LRRC27: variants seen among roughly 807,000 people sequenced by gnomAD.
The protein encoded by LRRC27 is leucine rich repeat containing 27.
Under a neutral mutation model 55.0 loss-of-function variants are expected in LRRC27, and 57 were observed. The observed-to-expected ratio is 1.04, with a 90% CI of 0.84 to 1.29. The LOEUF (loss-of-function observed/expected upper bound fraction) is 1.29, where lower values mean the gene tolerates loss of function less well. LRRC27 is among the 50% of genes most tolerant of loss of function. LRRC27 has a pLI of 0.00. For missense variants in LRRC27, 721 were observed against 651.5 expected (o/e 1.11, Z -1.16); for synonymous variants, 278 against 251.9 (o/e 1.10, Z -0.98).
chr10:132,339,620 C>A (rs1056497237), intron 3 of LRRC27, among the ~76,000 whole-genome samples: 17 of 152,344 alleles, frequency 1.1e-4, no homozygotes, highest in African/African-American at 3.6e-4. Context: ...ACCCTGTCCT[C>A]ACGGCCTCGG....
intron 5 of LRRC27, 109 bp downstream of exon 5, chr10:132,344,759 G>C: frequency 2.5e-6 from 3 of 1,205,310 alleles, no homozygotes; most frequent in Non-Finnish European, 3.5e-6. Context: ...AAATACAGGA[G>C]CCATGGGTCC....
chr10:132,359,847 G>T (rs1202539140), intron 8 of LRRC27, among the ~76,000 whole-genome samples: 1 of 152,230 alleles, frequency 6.6e-6, no homozygotes, highest in African/African-American at 2.4e-5. Context: ...TTTGACACTT[G>T]ACGTACAAAC....
chr10:132,360,987 G>A (rs897590516), intron 8 of LRRC27, among the ~76,000 whole-genome samples: 1 of 152,214 alleles, frequency 6.6e-6, no homozygotes, highest in African/African-American at 2.4e-5. Flanking sequence ...TGGGGTGCTA[G>A]CCTCCTCCTG....
intron 7 of LRRC27, among the ~76,000 whole-genome samples, chr10:132,353,807 C>T (rs2068179956): frequency 6.6e-6 from 1 of 152,222 alleles, no homozygotes. Context: ...GCCCGTCACT[C>T]ACTGCGAGGT....
At position 132,364,512 on chromosome 10, in the gene LRRC27, CACACTCGCACTT is replaced by C. The variant is rs1222932027; in HGVS notation, c.1290-907_1290-896del. Among the ~76,000 whole-genome samples, 32 of 126,290 alleles carry C rather than the reference CACACTCGCACTT, an allele frequency of 2.5e-4. 8 individuals are homozygous for C. Among genetic ancestry groups the C allele is most frequent in the African/African-American group, 6.0e-4 (17 of 28,568 alleles). 82.9% of individuals were successfully genotyped at this position (126,290 alleles called of 152,430 possible). On this transcript the variant is annotated intron_variant, in intron 9 of 10. Transcript: ENST00000368614. ...TTACACCCACCCTTACATCTACCTC[CACACTCGCACTT>C]ACACCCACACTTAAATCTACCTCCA... is the stretch of plus-strand genomic sequence containing the variant.
upstream of LRRC27, chr10:132,332,039 C>G (rs1590557371): frequency 2.8e-6 from 1 of 353,672 alleles, no homozygotes; most frequent in Non-Finnish European, 5.1e-6. Flanking sequence ...CGCCCCCGCA[C>G]GCAGGCACAA....
At chr10:132,334,109 C>A (rs1448660790) in intron 2 of LRRC27, among the ~76,000 whole-genome samples, 1 of 152,200 alleles carries the variant, frequency 6.6e-6, no homozygotes, top group Non-Finnish European at 1.5e-5. Flanking sequence ...CATGATTTTG[C>A]TCATGTTACA....
intron 6 of LRRC27, among the ~76,000 whole-genome samples, chr10:132,349,890 G>A (rs2067920535): frequency 6.6e-6 from 1 of 152,204 alleles, no homozygotes; most frequent in African/African-American, 2.4e-5. Flanking sequence ...TTTCCCACGG[G>A]GTGGTTGTGG....
intron 3 of LRRC27, among the ~76,000 whole-genome samples, chr10:132,340,394 C>G (rs1018031672): frequency 2.0e-5 from 3 of 152,270 alleles, no homozygotes; most frequent in Admixed American, 6.5e-5. Flanking sequence ...GAACCCAGCC[C>G]CACCCAGCAG....
chr10:132,358,757 A>G (rs111174172), intron 8 of LRRC27, among the ~76,000 whole-genome samples: 281 of 27,440 alleles, frequency 0.01, 1 homozygote, highest in African/African-American at 0.035. Context: ...AGCCGAGGTG[A>G]TGGAGCAGTG....
Position 132,372,253 on chromosome 10 carries a change from C to CA in LRRC27, c.1417-2809dup, listed in dbSNP as rs2069236502. On this transcript the variant is annotated intron_variant, in intron 10 of 10. Transcript: ENST00000368614. The surrounding 1 kb of genome is among the most constrained non-coding windows in gnomAD (Gnocchi z 4.0). ...ATCCCAGCTGAAAAGCACAGGAAGA[C>CA]AAAACCAACCACAGAAGGATGGGAA... 6.6e-6 allele frequency among the ~76,000 whole-genome samples: 1 copy of CA among 151,482 alleles called. No homozygotes were observed. The highest frequency in any genetic ancestry group is 1.5e-5 in the Non-Finnish European group (1 of 67,874).
rs1246600948 is a variant in LRRC27 at position 132,380,543 on chromosome 10, C to A, written c.*5301C>A. On this transcript the variant is annotated 3_prime_UTR_variant, in exon 11 of 11. Transcript: ENST00000368614. ...ACATGGTGGCACACGCCTGCAGTCC[C>A]AGCTACTCAGGAGGCTGAGGCAGGA... is the stretch of plus-strand genomic sequence containing the variant. Among the ~76,000 whole-genome samples the A allele has an allele frequency of 2.0e-5, 3 of 152,102 alleles. No homozygotes were observed. Among genetic ancestry groups the A allele is most frequent in the Admixed American group, 6.5e-5 (1 of 15,278 alleles).
chr10:132,340,789 C>T (rs752400369), intron 3 of LRRC27, among the ~76,000 whole-genome samples: 24 of 149,534 alleles, frequency 1.6e-4, no homozygotes, highest in Non-Finnish European at 3.4e-4. Context: ...CATGGTGAAA[C>T]TCCGTCTCTA....
rs1014326969 is a variant in LRRC27 at position 132,360,808 on chromosome 10, C to A, written c.1171-649C>A. 3.9e-5 allele frequency among the ~76,000 whole-genome samples: 6 copies of A among 152,226 alleles called. No individual in the cohort carries two copies. In the East Asian group the frequency reaches 9.6e-4, roughly 24 times the overall value. ...AAGTTCTTCTCTCCCACTCTGTTGC[C>A]AGGGTTCCCTCCTACCTGTTTTTGT... On this transcript the variant is annotated intron_variant, in intron 8 of 10. Transcript: ENST00000368614.
At chr10:132,334,309 G>A (rs774554188) in intron 2 of LRRC27, among the ~76,000 whole-genome samples, 19 of 152,158 alleles carry the variant, frequency 1.2e-4, no homozygotes, top group Non-Finnish European at 2.4e-4. Context: ...GGTTTAATCT[G>A]GAATGTCGGA....
chr10:132,371,135 C>T (rs192047536), intron 10 of LRRC27, among the ~76,000 whole-genome samples: 2 of 152,392 alleles, frequency 1.3e-5, no homozygotes, highest in Admixed American at 1.3e-4. Context: ...GCTTCTTCCC[C>T]GGCCCCTCGT....
intron 3 of LRRC27, among the ~76,000 whole-genome samples, chr10:132,339,267 G>A (rs1489340933): frequency 6.6e-6 from 1 of 152,244 alleles, no homozygotes; most frequent in Non-Finnish European, 1.5e-5. Flanking sequence ...ATAGAGGCTT[G>A]TAGGAGGCCC....
At chr10:132,331,885 C>T, upstream of LRRC27, 1 of 1,048,624 alleles carries the variant, frequency 9.5e-7, no homozygotes, top group Non-Finnish European at 1.3e-6. Context: ...AGGCGCACCA[C>T]CCCCTGCCAC....
chr10:132,356,120 C>T (rs1248681723), intron 8 of LRRC27, among the ~76,000 whole-genome samples: 1 of 152,226 alleles, frequency 6.6e-6, no homozygotes. Context: ...GCTCACTGCC[C>T]AGCCGGAGGG....
Sources: allele counts gnomAD v4.1 joint callset (sites outside exome capture counted in the v4.1 genomes callset), GRCh38; gene constraint gnomAD v4.1.1; non-coding constraint Gnocchi (gnomAD v3.1); transcripts MANE v1.5; gene names NCBI Gene and HGNC (gene_info 2026-07-23, HGNC 2026-07-21).